PITPNM3: variants seen among roughly 807,000 people sequenced by gnomAD.
PITPNM3 encodes membrane-associated phosphatidylinositol transfer protein 3.
PITPNM3 carries 26 observed loss-of-function variants against 102.0 expected under a neutral mutation model. The observed-to-expected ratio is 0.25, with a 90% CI of 0.19 to 0.35. The LOEUF is 0.35. Among genes scored for constraint, PITPNM3 ranks in the 10% least tolerant of loss-of-function variants. The pLI, the probability that PITPNM3 is intolerant of heterozygous loss-of-function variation, is 1.00. For missense variants in PITPNM3, 1,083 were observed against 1,346.1 expected, an observed-to-expected ratio of 0.80 and a Z score of 3.06; for synonymous variants, 578 against 558.6, an observed-to-expected ratio of 1.03 and a Z score of -0.49.
chr17:6,491,988 A>G (rs902833153), intron 4 of PITPNM3, among the ~76,000 whole-genome samples: 1 of 150,174 alleles, frequency 6.7e-6, no homozygotes, highest in Non-Finnish European at 1.5e-5. Flanking sequence ...AGGAGTCCAT[A>G]TTTCTTTTAG....
At chr17:6,474,855 C>T (rs1174803630) in intron 9 of PITPNM3, among the ~76,000 whole-genome samples, 1 of 152,190 alleles carries the variant, frequency 6.6e-6, no homozygotes, top group African/African-American at 2.4e-5. Flanking sequence ...ATATTTCAGA[C>T]GACATGGACC....
chr17:6,477,225 A>G lies in PITPNM3; in HGVS notation c.901-12T>C, dbSNP rs747298708. ...GCGACTGGGGTGTCCTTTGGGACCG[A>G]ACAGGGGACAGGAGAGAAAAAGACT... On this transcript the variant is annotated splice_polypyrimidine_tract_variant and intron_variant, in intron 8 of 19. Coordinates refer to ENST00000262483, the MANE Select transcript of PITPNM3 (RefSeq NM_031220.4). The G allele has an allele frequency of 1.9e-6, 3 of 1,613,314 alleles. No individual in the cohort carries two copies. The highest frequency in any genetic ancestry group is 1.7e-6 in the Non-Finnish European group (2 of 1,179,608).
In PITPNM3 at chr17:6,454,022, G is replaced by C. The variant is rs1419186540; in HGVS notation, c.*1316C>G. On this transcript the variant is annotated 3_prime_UTR_variant, in exon 20 of 20. Coordinates refer to ENST00000262483, the MANE Select transcript of PITPNM3 (RefSeq NM_031220.4). ...AGGGCCAAGTCCTGCCAACCTCAGG[G>C]GACTACCCAGGAGGAGGTTATGGGC... 6.6e-6 allele frequency: 1 copy of C among 152,566 alleles called. No homozygotes were observed. The highest frequency in any genetic ancestry group is 1.9e-4 in the East Asian group (1 of 5,200). 9.5% of individuals were successfully genotyped at this position (152,566 alleles called of 1,614,324 possible).
rs1045630788 is a variant in PITPNM3, at chr17:6,472,350, TA to T, written c.1429+306del. 6.6e-6 allele frequency among the ~76,000 whole-genome samples: 1 copy of T among 151,664 alleles called. No homozygotes were observed. The highest frequency in any genetic ancestry group is 3.4e-3 in the Middle Eastern group (1 of 292). On this transcript the variant is annotated intron_variant, in intron 11 of 19. Coordinates refer to ENST00000262483, the MANE Select transcript of PITPNM3 (RefSeq NM_031220.4). The surrounding 1 kb of genome is among the most constrained non-coding windows in gnomAD (Gnocchi z 4.1). ...CTTCAGAGTCCAGGCTGGGCACTCA[TA>T]AAAAAAATAGATTGGAGCACGGATC...
chr17:6,506,054 C>T (rs1478620253), intron 3 of PITPNM3, among the ~76,000 whole-genome samples: 1 of 152,074 alleles, frequency 6.6e-6, no homozygotes, highest in South Asian at 2.1e-4. Flanking sequence ...GTCCCATTTA[C>T]AGATAAGAAG....
chr17:6,451,903 G>T lies in PITPNM3; in HGVS notation c.*3435C>A, dbSNP rs560369662. The T allele has an allele frequency of 9.6e-6, 1 of 104,138 alleles. No homozygotes were observed. Among genetic ancestry groups the T allele is most frequent in the Admixed American group, 1.2e-4 (1 of 8,034 alleles). 6.5% of individuals were successfully genotyped at this position (104,138 alleles called of 1,614,324 possible). ...CCCCCCCCGCCCGCCGATGGGATTC[G>T]GTGGGAAAGTTGGTTGTTTAAGGCG... On this transcript the variant is annotated 3_prime_UTR_variant, in exon 20 of 20. Transcript: ENST00000262483.
At chr17:6,482,772 C>T (rs1905819192) in intron 6 of PITPNM3, among the ~76,000 whole-genome samples, 1 of 152,156 alleles carries the variant, frequency 6.6e-6, no homozygotes. Context: ...GAAACAGCCC[C>T]TCACATGTGG....
At chr17:6,530,693 C>G (rs1909096313) in intron 2 of PITPNM3, among the ~76,000 whole-genome samples, 1 of 152,224 alleles carries the variant, frequency 6.6e-6, no homozygotes, top group African/African-American at 2.4e-5. Flanking sequence ...AGATCCACCA[C>G]CACCACCACC....
intron 14 of PITPNM3, among the ~76,000 whole-genome samples, chr17:6,466,881 C>T (rs1904800692): frequency 6.6e-6 from 1 of 151,878 alleles, no homozygotes; most frequent in African/African-American, 2.4e-5. Flanking sequence ...TCCATCTCTA[C>T]TAAAAATACA....
rs1216196771 is a variant in PITPNM3, at chr17:6,468,473, C to G, written c.1774-132G>C. ...AACCCCCCAACCTCACAGCCTGGAA[C>G]CGTCAGGAGGCCGCAGACCCCGGGA... On this transcript the variant is annotated intron_variant, in intron 13 of 19. Transcript: ENST00000262483. This position sits in a 1 kb window ranked among gnomAD's most constrained non-coding sequence, Gnocchi z 5.2. The G allele has an allele frequency of 5.6e-6, 5 of 895,216 alleles. No individual in the cohort carries two copies. The highest frequency in any genetic ancestry group is 9.2e-6 in the Non-Finnish European group (5 of 542,326). 55.5% of individuals were successfully genotyped at this position (895,216 alleles called of 1,614,324 possible).
chr17:6,470,636 G>A lies in PITPNM3; in HGVS notation c.1625-228C>T, dbSNP rs1905025371. Among the ~76,000 whole-genome samples, 1 of 152,216 alleles carries A rather than the reference G, an allele frequency of 6.6e-6. No homozygotes were observed. The highest frequency in any genetic ancestry group is 2.4e-5 in the African/African-American group (1 of 41,462). Reference sequence around the variant, plus strand: ...GATGTGCGTGCCAAGCCCATGCCCAGGAAGGAGGGCCAGACCCACAGAGAC... The same window carrying A: ...GATGTGCGTGCCAAGCCCATGCCCAAGAAGGAGGGCCAGACCCACAGAGAC... On this transcript the variant is annotated intron_variant, in intron 12 of 19. Transcript: ENST00000262483. This position sits in a 1 kb window ranked among gnomAD's most constrained non-coding sequence, Gnocchi z 4.8.
intron 2 of PITPNM3, among the ~76,000 whole-genome samples, chr17:6,531,513 TC>T (rs933686947): frequency 2.4e-4 from 37 of 152,202 alleles, no homozygotes; most frequent in African/African-American, 8.0e-4. Flanking sequence ...GCAATCTTCA[TC>T]CCTCACAATA....
chr17:6,473,952 G>A (rs919167219), intron 10 of PITPNM3, among the ~76,000 whole-genome samples: 4 of 141,956 alleles, frequency 2.8e-5, no homozygotes, highest in Non-Finnish European at 4.5e-5. Context: ...ACTCCAGCCT[G>A]GGTGACAGAG....
chr17:6,516,029 C>T (rs1298074015), intron 3 of PITPNM3, among the ~76,000 whole-genome samples: 5 of 152,046 alleles, frequency 3.3e-5, no homozygotes, highest in African/African-American at 1.2e-4. Flanking sequence ...AAAAATTAGG[C>T]AGGTGTGGTA....
intron 4 of PITPNM3, among the ~76,000 whole-genome samples, chr17:6,488,903 G>T (rs1906258964): frequency 6.6e-6 from 1 of 152,202 alleles, no homozygotes; most frequent in Non-Finnish European, 1.5e-5. Flanking sequence ...TTGGGGTGGG[G>T]GAGCCCACAG....
chr17:6,482,398 C>T (rs940949901), intron 6 of PITPNM3, among the ~76,000 whole-genome samples: 13 of 152,200 alleles, frequency 8.5e-5, no homozygotes, highest in Non-Finnish European at 1.5e-4. Context: ...TTCCTAGTGG[C>T]TGGCACACCT....
At chr17:6,524,267 C>G (rs1001224187) in intron 3 of PITPNM3, among the ~76,000 whole-genome samples, 1 of 151,832 alleles carries the variant, frequency 6.6e-6, no homozygotes, top group Non-Finnish European at 1.5e-5. Flanking sequence ...AGCACGACTG[C>G]GAATGACAGG....
intron 4 of PITPNM3, among the ~76,000 whole-genome samples, chr17:6,491,076 AAAGGG>A (rs1431392993): frequency 6.4e-5 from 2 of 31,096 alleles, no homozygotes. Flanking sequence ...GGAGGGGAGG[AAAGGG>A]GAGGGGAAGG....
chr17:6,514,554 C>T (rs886441005), intron 3 of PITPNM3, among the ~76,000 whole-genome samples: 1 of 152,194 alleles, frequency 6.6e-6, no homozygotes, highest in Non-Finnish European at 1.5e-5. Flanking sequence ...CGCAATGAGA[C>T]ATCACTTCAC....
Sources: gnomAD v4.1 joint callset for allele counts (sites outside exome capture counted in the v4.1 genomes callset) on GRCh38, gnomAD v4.1.1 for gene constraint, Gnocchi (gnomAD v3.1) non-coding constraint, MANE v1.5 for transcripts, NCBI Gene and HGNC (gene_info 2026-07-23, HGNC 2026-07-21) for gene names.